The following WSB2 variants were observed in gnomAD, a reference collection of about 807,000 sequenced individuals.
WSB2 encodes the protein WD repeat and SOCS box-containing protein 2.
In WSB2, 12 loss-of-function variants were observed where a neutral mutation model predicts 48.8. The ratio of observed to expected loss-of-function variants is 0.25; its 90% CI spans 0.16 to 0.40. The LOEUF is 0.40. Among genes scored for constraint, WSB2 ranks in the 10% least tolerant of loss-of-function variants. WSB2 has a pLI of 1.00. For synonymous variants in WSB2, 191 were observed against 203.1 expected (o/e 0.94, Z 0.51); for missense variants, 317 against 506.2 (o/e 0.63, Z 3.59).
At chr12:118,052,031 G>A (rs1003889103) in intron 2 of WSB2, among the ~76,000 whole-genome samples, 2 of 152,158 alleles carry the variant, frequency 1.3e-5, no homozygotes, top group Non-Finnish European at 2.9e-5. Flanking sequence ...TCTGTGGATA[G>A]ACTAAAAGCC....
rs1253391287 is a variant in WSB2 at position 118,060,929 on chromosome 12, C to CCCCCGCCCCA, written c.13+97_13+106dup. On this transcript the variant is annotated intron_variant, in intron 1 of 8. Transcript: ENST00000315436. This position sits in a 1 kb window ranked among gnomAD's most constrained non-coding sequence, Gnocchi z 4.1. ...GGCCGGACGCCCCCGCCGCGTCCAG[C>CCCCCGCCCCA]CCCCGCCCCACCCCGCCCAGCCCGC... is the stretch of plus-strand genomic sequence containing the variant. 2.1e-6 allele frequency: 1 copy of CCCCCGCCCCA among 475,600 alleles called. No individual in the cohort carries two copies. The highest frequency in any genetic ancestry group is 2.1e-5 in the African/African-American group (1 of 46,692). 29.5% of individuals were successfully genotyped at this position (475,600 alleles called of 1,614,324 possible).
Position 118,036,660 on chromosome 12 carries a change from G to A in WSB2, c.661-150C>T, listed in dbSNP as rs2031518567. On this transcript the variant is annotated intron_variant, in intron 5 of 8. Transcript: ENST00000315436. The stretch of plus-strand genomic sequence containing the variant: ...TTCTACAGCTCTTCCAGAACGTGTG[G>A]TGTAGGTTTAAATAAGGCAACTGGT... 4.8e-6 allele frequency: 4 copies of A among 830,196 alleles called. No individual in the cohort carries two copies. In the African/African-American group the frequency reaches 6.8e-5, roughly 14 times the overall value. The allele number at this position is 830,196 out of a possible 1,614,324, so 51.4% of individuals were successfully genotyped here.
At chr12:118,039,812 C>T (rs938272236) in intron 4 of WSB2, among the ~76,000 whole-genome samples, 3 of 151,420 alleles carry the variant, frequency 2.0e-5, no homozygotes, top group Non-Finnish European at 4.4e-5. Flanking sequence ...GGCATGATCC[C>T]GGCTCACTGC....
chr12:118,042,856 C>T lies in WSB2; in HGVS notation c.544G>A (p.Asp182Asn), dbSNP rs2031665877. 6 of 1,614,022 alleles carry T rather than the reference C, an allele frequency of 3.7e-6. No individual in the cohort carries two copies. In the African/African-American group the frequency reaches 4.0e-5, roughly 11 times the overall value. ...ASRDKTLRIWDLNKHGKQIQV... is the reference protein window; with the variant it reads ...ASRDKTLRIWNLNKHGKQIQV... ...CTTCCCATACCGTGTTTATTCAGGT[C>T]CCAGATGCGAAGAGTCTTATCCCGT... The change falls in exon 4 of 9, where the codon GAC (aspartate) becomes AAC (asparagine). Residue 182 changes from aspartate (D) to asparagine (N), a missense_variant. Asp to Asn is a conservative substitution (Grantham distance 23). Transcript: ENST00000315436.
intron 1 of WSB2, among the ~76,000 whole-genome samples, chr12:118,055,802 A>G (rs2031947674): frequency 6.6e-6 from 1 of 151,378 alleles, no homozygotes; most frequent in South Asian, 2.1e-4. Context: ...TTTAGTAGAG[A>G]CAGGTTTTTG....
intron 2 of WSB2, among the ~76,000 whole-genome samples, chr12:118,044,418 C>CA (rs2031705221): frequency 6.6e-6 from 1 of 152,168 alleles, no homozygotes; most frequent in Non-Finnish European, 1.5e-5. Context: ...TAGAAATCCC[C>CA]AAGGAGTTGG....
rs144930037 is a variant in WSB2 at position 118,045,525 on chromosome 12, C to G, written c.183-2148G>C. ...CCAGCCTGACCAATATGGTGAAACC[C>G]CATCTCTACTAAAAATACAAAAATT... is the stretch of plus-strand genomic sequence containing the variant. On this transcript the variant is annotated intron_variant, in intron 2 of 8. Coordinates refer to ENST00000315436, the MANE Select transcript of WSB2 (RefSeq NM_018639.5). Among the ~76,000 whole-genome samples, 701 of 151,966 alleles carry G rather than the reference C, an allele frequency of 4.6e-3. 5 individuals carry two copies. Among genetic ancestry groups the G allele is most frequent in the African/African-American group, 0.016 (669 of 41,438 alleles).
At chr12:118,050,587 C>T (rs923764774) in intron 2 of WSB2, among the ~76,000 whole-genome samples, 3 of 151,608 alleles carry the variant, frequency 2.0e-5, no homozygotes, top group African/African-American at 4.9e-5. Flanking sequence ...TGCAGTGAGC[C>T]GTGACTGAGC....
chr12:118,044,285 A>C (rs2031702301), intron 2 of WSB2, among the ~76,000 whole-genome samples: 1 of 152,192 alleles, frequency 6.6e-6, no homozygotes, highest in South Asian at 2.1e-4. Flanking sequence ...GATGAGTGGA[A>C]GGAAAAAGAC....
chr12:118,045,945 A>C (rs950186753), intron 2 of WSB2, among the ~76,000 whole-genome samples: 6 of 152,188 alleles, frequency 3.9e-5, no homozygotes, highest in African/African-American at 1.4e-4. Flanking sequence ...GAGATCATGC[A>C]GTATTTGTCT....
upstream of WSB2, among the ~76,000 whole-genome samples, chr12:118,061,793 G>C (rs550724850): frequency 3.4e-3 from 509 of 148,900 alleles, no homozygotes; most frequent in Non-Finnish European, 5.7e-3. Context: ...GGGAGAAATA[G>C]GTTGGAGGGA....
At position 118,034,050 on chromosome 12, in the gene WSB2, C is replaced by G; in HGVS notation, c.*146G>C. ...GAGAGAAAGATCCATGACTAGTACACTGGAATCTGGTTTTGCTACATTCTA... is the reference window on the plus strand; with the variant it reads ...GAGAGAAAGATCCATGACTAGTACAGTGGAATCTGGTTTTGCTACATTCTA... On this transcript the variant is annotated 3_prime_UTR_variant, in exon 9 of 9. Coordinates refer to ENST00000315436, the MANE Select transcript of WSB2 (RefSeq NM_018639.5). 9.0e-7 allele frequency: 1 copy of G among 1,106,978 alleles called. No homozygotes were observed. The highest frequency in any genetic ancestry group is 1.5e-5 in the South Asian group (1 of 67,484). The allele number at this position is 1,106,978 out of a possible 1,614,324, so 68.6% of individuals were successfully genotyped here.
chr12:118,050,705 G>T (rs887471673), intron 2 of WSB2, among the ~76,000 whole-genome samples: 5 of 151,886 alleles, frequency 3.3e-5, no homozygotes, highest in Non-Finnish European at 5.9e-5. Flanking sequence ...ACGAGCAAAG[G>T]CTCTGAGTAG....
At chr12:118,040,188 A>G (rs1211224059) in intron 4 of WSB2, among the ~76,000 whole-genome samples, 1 of 152,052 alleles carries the variant, frequency 6.6e-6, no homozygotes, top group African/African-American at 2.4e-5. Flanking sequence ...ATAAAGGTCA[A>G]TCATGGTTTC....
At chr12:118,054,216 C>A (rs11613209) in intron 1 of WSB2, among the ~76,000 whole-genome samples, 109,098 of 114,678 alleles carry the variant, frequency 0.95, 52,046 homozygotes, top group Middle Eastern at 0.98. Flanking sequence ...TACTAAAAAT[C>A]CAAAAAAAAA....
chr12:118,062,036 G>A, upstream of WSB2: 3 of 1,480,238 alleles, frequency 2.0e-6, no homozygotes, highest in South Asian at 3.7e-5. Flanking sequence ...ACCGGAGTGG[G>A]GGTGGGAACG....
rs999678042 is a variant in WSB2 at position 118,060,675 on chromosome 12, C to G, written c.13+361G>C. Among the ~76,000 whole-genome samples, 1 of 152,082 alleles carries G rather than the reference C, an allele frequency of 6.6e-6. No individual in the cohort carries two copies. The highest frequency in any genetic ancestry group is 1.5e-5 in the Non-Finnish European group (1 of 67,998). ...AAGTGCGTCCCCTGGCACCTGGGTA[C>G]CCAGGGGCACCCACCCCCTTGGGGA... On this transcript the variant is annotated intron_variant, in intron 1 of 8. Coordinates refer to ENST00000315436, the MANE Select transcript of WSB2 (RefSeq NM_018639.5). The surrounding 1 kb of genome is among the most constrained non-coding windows in gnomAD (Gnocchi z 4.1).
chr12:118,060,201 T>G lies in WSB2; in HGVS notation c.13+835A>C, dbSNP rs1277550238. 6.6e-6 allele frequency among the ~76,000 whole-genome samples: 1 copy of G among 151,974 alleles called. No individual in the cohort carries two copies. The highest frequency in any genetic ancestry group is 6.6e-5 in the Admixed American group (1 of 15,250). ...GCCAAGGCGTGCATGCGTCTTGGGG[T>G]TTTTTTCCCCTTGCATAAGAGACAC... is the stretch of plus-strand genomic sequence containing the variant. On this transcript the variant is annotated intron_variant, in intron 1 of 8. Transcript: ENST00000315436. The surrounding 1 kb of genome is among the most constrained non-coding windows in gnomAD (Gnocchi z 4.1).
chr12:118,052,462 C>G lies in WSB2; in HGVS notation c.30G>C (p.Leu10=). Residue 10 remains leucine (L), a synonymous_variant, in exon 2 of 9, where the codon CTG becomes CTC. Transcript: ENST00000315436. MEAGEEPLL[L]AELKPGRPHQ... ...GGGGGCGCCCGGGCTTGAGTTCGGC[C>G]AGCAGCAGCGGTTCCTCTGGGGCAG... is the stretch of plus-strand genomic sequence containing the variant. The G allele has an allele frequency of 6.2e-7, 1 of 1,614,064 alleles. No homozygotes were observed. Among genetic ancestry groups the G allele is most frequent in the Non-Finnish European group, 8.5e-7 (1 of 1,180,028 alleles).
Sources: allele counts gnomAD v4.1 joint callset (sites outside exome capture counted in the v4.1 genomes callset), GRCh38; gene constraint gnomAD v4.1.1; non-coding constraint Gnocchi (gnomAD v3.1); transcripts MANE v1.5; gene names NCBI Gene and HGNC (gene_info 2026-07-23, HGNC 2026-07-21).